The following SHANK2 variants were observed in gnomAD, a reference collection of about 807,000 sequenced individuals.
SHANK2 encodes the protein SH3 and multiple ankyrin repeat domains protein 2.
Under a neutral mutation model 133.7 loss-of-function variants are expected in SHANK2, and 43 were observed. The observed-to-expected ratio is 0.32, with a 90% CI of 0.25 to 0.41. The LOEUF is 0.41. Among genes scored for constraint, SHANK2 ranks in the 10% least tolerant of loss-of-function variants. The probability of loss-of-function intolerance (pLI) is 1.00; values close to 1 mark genes in which losing one functional copy is unlikely to be tolerated. For synonymous variants in SHANK2, 1,017 were observed against 952.8 expected (o/e 1.07, Z -1.24); for missense variants, 1,994 against 2,235.8 (o/e 0.89, Z 2.18).
chr11:71,186,143 C>T (rs1412371276), intron 2 of SHANK2, among the ~76,000 whole-genome samples: 1 of 152,192 alleles, frequency 6.6e-6, no homozygotes, highest in Non-Finnish European at 1.5e-5. Flanking sequence ...ATTCTCTGAA[C>T]CCAATTTGAT....
At chr11:70,811,652 T>C (rs1306769543) in intron 12 of SHANK2, among the ~76,000 whole-genome samples, 1 of 148,078 alleles carries the variant, frequency 6.8e-6, no homozygotes, top group African/African-American at 2.5e-5. Context: ...CATCCATCCA[T>C]CCATCCATCA....
At chr11:71,237,556 G>T (rs552969515) in intron 1 of SHANK2, among the ~76,000 whole-genome samples, 2 of 152,286 alleles carry the variant, frequency 1.3e-5, no homozygotes, top group East Asian at 3.9e-4. Flanking sequence ...GATAGCTGTC[G>T]TTATCTCCAA....
chr11:70,873,077 C>T (rs749121929), intron 11 of SHANK2: 1 of 471,244 alleles, frequency 2.1e-6, no homozygotes, highest in Non-Finnish European at 4.4e-6. Context: ...GGTGGCGACC[C>T]TCAGGAAGGT....
chr11:70,500,678 C>T lies in SHANK2; in HGVS notation c.2288-88G>A. On this transcript the variant is annotated intron_variant, in intron 20 of 25. Transcript: ENST00000601538. This position sits in a 1 kb window ranked among gnomAD's most constrained non-coding sequence, Gnocchi z 4.5. The stretch of plus-strand genomic sequence containing the variant: ...CTCGGGCCTTGTCAGCTCAGGGCGC[C>T]TCAGGAGCAGGCTGGGCCGGCAATG... The T allele has an allele frequency of 6.5e-7, 1 of 1,542,430 alleles. No individual in the cohort carries two copies. The highest frequency in any genetic ancestry group is 8.8e-7 in the Non-Finnish European group (1 of 1,136,790).
intron 2 of SHANK2, among the ~76,000 whole-genome samples, chr11:71,200,051 G>A (rs1207497057): frequency 5.9e-5 from 9 of 152,164 alleles, no homozygotes; most frequent in Non-Finnish European, 1.3e-4. Context: ...TTTTAGCCAT[G>A]TTGTGTAACC....
At chr11:70,622,943 G>A (rs1350451011) in intron 17 of SHANK2, among the ~76,000 whole-genome samples, 5 of 152,106 alleles carry the variant, frequency 3.3e-5, no homozygotes, top group East Asian at 1.9e-4. Flanking sequence ...TTGGGAGGCC[G>A]AGGCGGGTGG....
intron 10 of SHANK2, among the ~76,000 whole-genome samples, chr11:70,935,272 G>A (rs1950556938): frequency 6.6e-6 from 1 of 152,114 alleles, no homozygotes; most frequent in Non-Finnish European, 1.5e-5. Flanking sequence ...TCAGTTCTCA[G>A]ATGAAAAACA....
chr11:70,498,135 C>A (rs1353666000), intron 21 of SHANK2, among the ~76,000 whole-genome samples: 3 of 152,284 alleles, frequency 2.0e-5, no homozygotes, highest in African/African-American at 7.2e-5. Flanking sequence ...CAGTTCTCAA[C>A]CACTGCTCTC....
intron 1 of SHANK2, among the ~76,000 whole-genome samples, chr11:71,244,460 G>A (rs545750103): frequency 1.3e-5 from 2 of 152,214 alleles, no homozygotes; most frequent in Non-Finnish European, 2.9e-5. Context: ...GGCTCTCAGC[G>A]TGCAGCCCCG....
chr11:71,106,956 T>C (rs879985167), intron 6 of SHANK2, among the ~76,000 whole-genome samples: 2 of 150,626 alleles, frequency 1.3e-5, no homozygotes, highest in African/African-American at 4.9e-5. Context: ...AAACCCCGTC[T>C]CTACAAAGAA....
At chr11:71,079,357 G>T (rs1361116828) in intron 8 of SHANK2, among the ~76,000 whole-genome samples, 1 of 152,210 alleles carries the variant, frequency 6.6e-6, no homozygotes, top group Non-Finnish European at 1.5e-5. Context: ...CTGGGACACC[G>T]TCACCACTCA....
intron 17 of SHANK2, among the ~76,000 whole-genome samples, chr11:70,602,335 A>G (rs148314535): frequency 9.9e-5 from 15 of 152,198 alleles, no homozygotes; most frequent in African/African-American, 3.6e-4. Flanking sequence ...GCCTAATGCA[A>G]CTCCCTGCAG....
chr11:71,149,962 A>G (rs1314235786), intron 2 of SHANK2, among the ~76,000 whole-genome samples: 1 of 6,624 alleles, frequency 1.5e-4, no homozygotes, highest in Non-Finnish European at 2.4e-4. Context: ...AGAGGAGGGG[A>G]GGGGAGAGAC....
intron 17 of SHANK2, among the ~76,000 whole-genome samples, chr11:70,515,637 G>GAAGAA (rs2059254458): frequency 1.3e-5 from 1 of 79,958 alleles, no homozygotes; most frequent in Non-Finnish European, 2.2e-5. Context: ...CTCGTTCCTT[G>GAAGAA]AAAAAAAAAA....
intron 10 of SHANK2, among the ~76,000 whole-genome samples, chr11:70,900,947 G>C (rs1950013903): frequency 2.0e-5 from 3 of 152,158 alleles, no homozygotes; most frequent in Admixed American, 2.0e-4. Context: ...AGAGTGTGGG[G>C]TCTGTCTCTG....
chr11:71,152,019 G>A (rs1952808013), intron 2 of SHANK2, among the ~76,000 whole-genome samples: 1 of 152,194 alleles, frequency 6.6e-6, no homozygotes, highest in Non-Finnish European at 1.5e-5. Context: ...TGGTAGGTAG[G>A]AACGCAGGTC....
At chr11:70,937,977 GATCT>G (rs1300906381) in intron 10 of SHANK2, among the ~76,000 whole-genome samples, 1 of 152,250 alleles carries the variant, frequency 6.6e-6, no homozygotes, top group South Asian at 2.1e-4. Flanking sequence ...GTGTGAGCGT[GATCT>G]ATCTTATTCT....
intron 14 of SHANK2, among the ~76,000 whole-genome samples, chr11:70,724,039 C>CTTTTTT (rs11342822): frequency 7.0e-6 from 1 of 143,864 alleles, no homozygotes. Context: ...AAAGTTCATT[C>CTTTTTT]TTTTTTTTTT....
intron 21 of SHANK2, among the ~76,000 whole-genome samples, chr11:70,498,299 G>T (rs577078427): frequency 6.6e-6 from 1 of 152,372 alleles, no homozygotes; most frequent in Non-Finnish European, 1.5e-5. Flanking sequence ...CAGAAGCCGC[G>T]TGTGTTAGAA....
Sources: allele counts gnomAD v4.1 joint callset (sites outside exome capture counted in the v4.1 genomes callset), GRCh38; gene constraint gnomAD v4.1.1; non-coding constraint Gnocchi (gnomAD v3.1); transcripts MANE v1.5; gene names NCBI Gene and HGNC (gene_info 2026-07-23, HGNC 2026-07-21).